Variants in MSMB observed in about 807,000 individuals in gnomAD.
MSMB encodes beta-microseminoprotein.
In MSMB, 10 loss-of-function variants were observed where a neutral mutation model predicts 10.5. That is an observed-to-expected ratio of 0.95 (90% confidence interval 0.59 to 1.62). The LOEUF is 1.62. Among genes scored for constraint, MSMB ranks in the 40% most tolerant of loss-of-function variants. The pLI is 0.00. For synonymous variants in MSMB, 43 were observed against 46.5 expected (o/e 0.93, Z 0.30); for missense variants, 126 against 137.4 (o/e 0.92, Z 0.42).
chr10:46,043,787 G>A (rs1339480460), intron 1 of MSMB, among the ~76,000 whole-genome samples: 2 of 152,090 alleles, frequency 1.3e-5, no homozygotes, highest in East Asian at 1.9e-4. Context: ...TGATTCTCCT[G>A]CCTCAGCCTC....
At chr10:46,038,905 G>T in intron 3 of MSMB, 61 bp downstream of exon 3, 1 of 1,408,944 alleles carries the variant, frequency 7.1e-7, no homozygotes, top group Non-Finnish European at 1.0e-6. Context: ...GCAAGACGGA[G>T]TAGCTGTTCC....
In MSMB at chr10:46,033,534, C is replaced by T; in HGVS notation, c.233G>A (p.Gly78Asp). Reference sequence around the variant, plus strand: ...TCTTTGGCAGTTGTCTTTGTCATAACCCACAGGTGTAGAAACACTGTCATT... The same window carrying T: ...TCTTTGGCAGTTGTCTTTGTCATAATCCACAGGTGTAGAAACACTGTCATT... ...SCCTLVSTPV[G>D]YDKDNCQRIF... The change falls in exon 4 of 4, where the codon GGT (glycine) becomes GAT (aspartate). Residue 78 changes from glycine to aspartate, a missense_variant. By Grantham distance (94) the Gly-to-Asp change is moderately conservative (BLOSUM62 -1). Transcript: ENST00000582163. 1 of 1,613,680 alleles carries T rather than the reference C, an allele frequency of 6.2e-7. No homozygotes were observed.
chr10:46,036,138 C>A (rs1840597804), intron 3 of MSMB, among the ~76,000 whole-genome samples: 1 of 152,102 alleles, frequency 6.6e-6, no homozygotes, highest in South Asian at 2.1e-4. Flanking sequence ...CAGCCCTGGG[C>A]CCGGGCAGCG....
chr10:46,043,281 C>A (rs1196085078), intron 1 of MSMB, among the ~76,000 whole-genome samples: 1 of 152,160 alleles, frequency 6.6e-6, no homozygotes, highest in Non-Finnish European at 1.5e-5. Context: ...AGCTCTAGAG[C>A]AGAGGCAGGA....
chr10:46,035,992 C>G (rs1192078929), intron 3 of MSMB, among the ~76,000 whole-genome samples: 1 of 152,160 alleles, frequency 6.6e-6, no homozygotes, highest in Non-Finnish European at 1.5e-5. Context: ...CCAGACTTAG[C>G]TCTATAGAGG....
In MSMB at chr10:46,033,410, A is replaced by T. The variant is rs1336819048; in HGVS notation, c.*12T>A. 2 of 1,613,076 alleles carry T rather than the reference A, an allele frequency of 1.2e-6. No homozygotes were observed. The highest frequency in any genetic ancestry group is 1.3e-5 in the African/African-American group (1 of 74,922). On this transcript the variant is annotated 3_prime_UTR_variant, in exon 4 of 4. Coordinates refer to ENST00000582163, the MANE Select transcript of MSMB (RefSeq NM_002443.4). Reference sequence around the variant, plus strand: ...GGCCTGGCCTGGGAGCCCTGTGCCTACTAGAAGCACATTAGATTATCCATT... The same window carrying T: ...GGCCTGGCCTGGGAGCCCTGTGCCTTCTAGAAGCACATTAGATTATCCATT...
chr10:46,038,535 G>A (rs1305372940), intron 3 of MSMB, among the ~76,000 whole-genome samples: 3 of 152,012 alleles, frequency 2.0e-5, no homozygotes, highest in Non-Finnish European at 4.4e-5. Flanking sequence ...TGATCCGCCC[G>A]CTTCGGCCCC....
intron 3 of MSMB, among the ~76,000 whole-genome samples, chr10:46,037,902 T>C (rs1554927768): frequency 6.6e-6 from 1 of 152,174 alleles, no homozygotes; most frequent in Non-Finnish European, 1.5e-5. Context: ...AGATGCAAAA[T>C]GTGGTCTCTC....
intron 1 of MSMB, among the ~76,000 whole-genome samples, chr10:46,041,571 A>G (rs1312936739): frequency 2.0e-5 from 3 of 152,140 alleles, no homozygotes; most frequent in Non-Finnish European, 4.4e-5. Flanking sequence ...AGGCAGGCAC[A>G]TCGCTTGAGC....
At chr10:46,040,972 ACTT>A (rs1840734293) in intron 1 of MSMB, among the ~76,000 whole-genome samples, 1 of 151,626 alleles carries the variant, frequency 6.6e-6, no homozygotes, top group Non-Finnish European at 1.5e-5. Flanking sequence ...AAAAAGCCAA[ACTT>A]CTCTGGTCAG....
At chr10:46,044,603 A>AAAAAAAAAAT (rs1840848804) in intron 1 of MSMB, among the ~76,000 whole-genome samples, 1 of 141,016 alleles carries the variant, frequency 7.1e-6, no homozygotes, top group Non-Finnish European at 1.5e-5. Context: ...AAAAAAAAAA[A>AAAAAAAAAAT]GTTGTATCTC....
At chr10:46,046,142 C>T (rs1840891178) in intron 1 of MSMB, 93 bp downstream of exon 1, 2 of 1,284,648 alleles carry the variant, frequency 1.6e-6, no homozygotes, top group Non-Finnish European at 2.3e-6. Flanking sequence ...ATTTACCATT[C>T]AATGCTATGT....
At chr10:46,045,026 G>C (rs961438101) in intron 1 of MSMB, among the ~76,000 whole-genome samples, 3 of 152,034 alleles carry the variant, frequency 2.0e-5, no homozygotes, top group African/African-American at 7.2e-5. Context: ...TTGTCTTGCC[G>C]AGTGGCCCAG....
intron 1 of MSMB, among the ~76,000 whole-genome samples, chr10:46,041,321 GGCAAGAGAGTGAGACT>G (rs59046276): frequency 0.26 from 38,424 of 149,142 alleles, 6,164 homozygotes; most frequent in African/African-American, 0.47. Flanking sequence ...CTCTAGCCTG[GGCAAGAGAGTGAGACT>G]CCGTCTCAAA....
At chr10:46,034,918 A>G (rs977135737) in intron 3 of MSMB, among the ~76,000 whole-genome samples, 1 of 152,040 alleles carries the variant, frequency 6.6e-6, no homozygotes, top group Non-Finnish European at 1.5e-5. Context: ...GTGAGACAAC[A>G]GCTTGATCCC....
intron 1 of MSMB, among the ~76,000 whole-genome samples, chr10:46,044,391 A>G (rs1420643091): frequency 1.3e-5 from 2 of 151,190 alleles, no homozygotes; most frequent in Non-Finnish European, 2.9e-5. Flanking sequence ...CCTGGCTAAC[A>G]TGGTGAAACC....
chr10:46,039,562 GC>G (rs1840695557), intron 2 of MSMB, among the ~76,000 whole-genome samples: 1 of 152,152 alleles, frequency 6.6e-6, no homozygotes, highest in South Asian at 2.1e-4. Context: ...TGGGTACAGG[GC>G]CCAGGCTACT....
intron 3 of MSMB, among the ~76,000 whole-genome samples, chr10:46,036,329 A>G (rs1469610277): frequency 3.3e-5 from 5 of 152,218 alleles, no homozygotes; most frequent in Admixed American, 2.6e-4. Flanking sequence ...GGAGGAGAAA[A>G]AAGTTCATGA....
rs782345828 is a variant in MSMB, at chr10:46,039,041, G to A, written c.140C>T (p.Pro47Leu). The A allele has an allele frequency of 6.2e-7, 1 of 1,613,990 alleles. No homozygotes were observed. Among genetic ancestry groups the A allele is most frequent in the Non-Finnish European group, 8.5e-7 (1 of 1,179,970 alleles). ...GTCAGTCTGCCACTCCGAGTTTATT[G>A]GGTGTTTGTTTCCTTTGAGATCCAT... ...KCMDLKGNKH[P>L]INSEWQTDNC... is the part of the protein sequence containing the mutation. The change falls in exon 3 of 4, where the codon CCA becomes CTA. Residue 47 changes from proline (P) to leucine (L), a missense_variant. By Grantham distance (98) the Pro-to-Leu change is moderately conservative (BLOSUM62 -3). Coordinates refer to ENST00000582163, the MANE Select transcript of MSMB (RefSeq NM_002443.4).
Sources: allele counts gnomAD v4.1 joint callset (sites outside exome capture counted in the v4.1 genomes callset), GRCh38; gene constraint gnomAD v4.1.1; transcripts MANE v1.5; gene names NCBI Gene and HGNC (gene_info 2026-07-23, HGNC 2026-07-21).